The following NLGN4Y variants were observed in gnomAD, a reference collection of about 807,000 sequenced individuals.
NLGN4Y encodes the protein neuroligin-4, Y-linked.
NLGN4Y carries 4 observed loss-of-function variants against 8.4 expected under a neutral mutation model. The ratio of observed to expected loss-of-function variants is 0.48; its 90% confidence interval spans 0.23 to 1.09. The LOEUF (loss-of-function observed/expected upper bound fraction) is 1.09. Ranked by LOEUF, NLGN4Y falls within the 50% of genes least tolerant of loss-of-function variation. The probability of loss-of-function intolerance (pLI) is 0.19; values close to 1 mark genes in which losing one functional copy is unlikely to be tolerated. For synonymous variants in NLGN4Y, 35 were observed against 75.6 expected (o/e 0.46, Z 2.78); for missense variants, 90 against 192.3 (o/e 0.47, Z 3.15).
At chrY:14,730,839 G>A in intron 4 of NLGN4Y, among the ~76,000 whole-genome samples, 1 of 32,814 alleles carries the variant, frequency 3.0e-5, no homozygotes, top group African/African-American at 1.2e-4. Flanking sequence ...CAGTTATCTA[G>A]TCATTTGTTA....
At chrY:14,619,948 CTCTTA>C (rs2080502283) in intron 1 of NLGN4Y, among the ~76,000 whole-genome samples, 26 of 33,470 alleles carry the variant, frequency 7.8e-4, no homozygotes, top group African/African-American at 3.0e-3. Context: ...TTCATATTCT[CTCTTA>C]TAAGTTGGAG....
At chrY:14,766,094 C>T in intron 4 of NLGN4Y, among the ~76,000 whole-genome samples, 1 of 33,112 alleles carries the variant, frequency 3.0e-5, no homozygotes, top group Admixed American at 2.8e-4. Context: ...CTGCTGAAAA[C>T]AAAATAGAAA....
At chrY:14,801,843 G>A (rs1360411801) in intron 4 of NLGN4Y, among the ~76,000 whole-genome samples, 1 of 32,687 alleles carries the variant, frequency 3.1e-5, no homozygotes, top group Non-Finnish European at 7.5e-5. Flanking sequence ...TACTACTTGG[G>A]CCATGTTAAG....
At chrY:14,690,951 T>C in intron 2 of NLGN4Y, among the ~76,000 whole-genome samples, 1 of 32,984 alleles carries the variant, frequency 3.0e-5, no homozygotes, top group Admixed American at 2.8e-4. Context: ...AAAACATCAC[T>C]GGCATGGGCT....
At chrY:14,831,735 TATAA>T (rs2043180311) in intron 6 of NLGN4Y, among the ~76,000 whole-genome samples, 1 of 31,390 alleles carries the variant, frequency 3.2e-5, no homozygotes, top group African/African-American at 1.2e-4. Flanking sequence ...TCCTTTGCTG[TATAA>T]ATAGATAGAG....
At chrY:14,667,202 A>G (rs2150526280) in intron 2 of NLGN4Y, among the ~76,000 whole-genome samples, 1 of 32,587 alleles carries the variant, frequency 3.1e-5, no homozygotes, top group Admixed American at 2.8e-4. Context: ...GAGTATTTCC[A>G]TAATAAAAGA....
chrY:14,792,784 CAAAAAAAAAAAAAAAAAAAA>C (rs1302985273), intron 4 of NLGN4Y, among the ~76,000 whole-genome samples: 2 of 479 alleles, frequency 4.2e-3, no homozygotes, highest in Admixed American at 0.028. Context: ...ATCCTGTCTC[CAAAAAAAAAAAAAAAAAAAA>C]AAAAAAAAAA....
chrY:14,554,199 ATTTTTTT>A (rs1569355926), intron 1 of NLGN4Y, among the ~76,000 whole-genome samples: 2 of 7,785 alleles, frequency 2.6e-4, no homozygotes, highest in Admixed American at 1.4e-3. Flanking sequence ...TTTTTCCTCT[ATTTTTTT>A]TTTTTTTTTT....
chrY:14,788,319 G>A (rs2042975013), intron 4 of NLGN4Y, among the ~76,000 whole-genome samples: 2 of 33,379 alleles, frequency 6.0e-5, no homozygotes, highest in Non-Finnish European at 7.4e-5. Flanking sequence ...GCTGAATTCA[G>A]TGTGTTGGCA....
At chrY:14,719,790 T>G (rs371338085) in intron 3 of NLGN4Y, among the ~76,000 whole-genome samples, 2 of 32,466 alleles carry the variant, frequency 6.2e-5, no homozygotes, top group East Asian at 7.8e-4. Context: ...CACCTTTTTT[T>G]TTTTTCTTTT....
At chrY:14,801,542 CAA>C (rs746849382) in intron 4 of NLGN4Y, among the ~76,000 whole-genome samples, 2 of 5,170 alleles carry the variant, frequency 3.9e-4, no homozygotes, top group Non-Finnish European at 3.8e-4. Flanking sequence ...TCAGATGAAC[CAA>C]AAAAAAAAAA....
intron 1 of NLGN4Y, among the ~76,000 whole-genome samples, chrY:14,608,005 C>T (rs371432162): frequency 2.9e-5 from 1 of 34,321 alleles, no homozygotes; most frequent in African/African-American, 1.1e-4. Flanking sequence ...TGTTTGTTGA[C>T]TGCACAAATG....
At chrY:14,733,016 C>A in intron 4 of NLGN4Y, among the ~76,000 whole-genome samples, 1 of 33,137 alleles carries the variant, frequency 3.0e-5, no homozygotes, top group Non-Finnish European at 7.4e-5. Context: ...AGCCAAGAAC[C>A]TTATTTGACC....
intron 1 of NLGN4Y, among the ~76,000 whole-genome samples, chrY:14,550,610 G>T (rs2080189254): frequency 3.0e-5 from 1 of 33,665 alleles, no homozygotes; most frequent in African/African-American, 1.2e-4. Flanking sequence ...GTCCATAAAG[G>T]ATTTTATTTC....
intron 2 of NLGN4Y, among the ~76,000 whole-genome samples, chrY:14,692,043 C>A: frequency 6.3e-5 from 2 of 31,979 alleles, no homozygotes; most frequent in South Asian, 1.4e-3. Flanking sequence ...TTCTGTATCA[C>A]CTTCCCTTAG....
intron 2 of NLGN4Y, among the ~76,000 whole-genome samples, chrY:14,636,396 TTA>T (rs2080565572): frequency 3.0e-5 from 1 of 33,676 alleles, no homozygotes; most frequent in Non-Finnish European, 7.3e-5. Flanking sequence ...TTTCATAATT[TTA>T]TATTCAAAAT....
intron 1 of NLGN4Y, among the ~76,000 whole-genome samples, chrY:14,586,375 G>A (rs919150607): frequency 3.6e-4 from 12 of 33,132 alleles, no homozygotes; most frequent in African/African-American, 5.9e-4. Flanking sequence ...TTAGCAAATA[G>A]GATCTGTGAT....
chrY:14,734,983 A>C, intron 4 of NLGN4Y, among the ~76,000 whole-genome samples: 1 of 34,008 alleles, frequency 2.9e-5, no homozygotes, highest in Non-Finnish European at 7.3e-5. Flanking sequence ...ACAATTGTAT[A>C]TGATAGTGAT....
At chrY:14,731,831 C>G in intron 4 of NLGN4Y, among the ~76,000 whole-genome samples, 2 of 32,995 alleles carry the variant, frequency 6.1e-5, no homozygotes, top group Non-Finnish European at 1.5e-4. Context: ...CAGAGATTCT[C>G]TTACTGGAAT....
Sources: allele counts gnomAD v4.1 joint callset (sites outside exome capture counted in the v4.1 genomes callset), GRCh38; gene constraint gnomAD v4.1.1; transcripts MANE v1.5; gene names NCBI Gene and HGNC (gene_info 2026-07-23, HGNC 2026-07-21).